ACAD11: variants seen among roughly 807,000 people sequenced by gnomAD.
ACAD11 encodes the protein acyl-CoA dehydrogenase family member 11, also known as acyl-Coenzyme A dehydrogenase family, member 11.
ACAD11 carries 83 observed loss-of-function variants against 102.2 expected under a neutral mutation model. The observed-to-expected ratio is 0.81, with a 90% confidence interval of 0.68 to 0.97. The LOEUF is 0.97. Among genes scored for constraint, ACAD11 ranks in the 50% least tolerant of loss-of-function variants. The pLI, the probability that ACAD11 is intolerant of heterozygous loss-of-function variation, is 0.00. For synonymous variants in ACAD11, 324 were observed against 319.8 expected (o/e 1.01, Z -0.14); for missense variants, 901 against 951.7 (o/e 0.95, Z 0.70).
At chr3:132,656,011 A>T (rs1937773084) in intron 1 of ACAD11, among the ~76,000 whole-genome samples, 1 of 152,210 alleles carries the variant, frequency 6.6e-6, no homozygotes. Context: ...CCCGGAGAAA[A>T]TTACTGTCTT....
rs749588144 is a variant in ACAD11, at chr3:132,642,120, C to T, written c.389G>A (p.Arg130His). The T allele has an allele frequency of 8.7e-6, 14 of 1,613,364 alleles. No individual in the cohort carries two copies. Among genetic ancestry groups the T allele is most frequent in the East Asian group, 6.7e-5 (3 of 44,860 alleles). ...GCTAAGTCCAGGAATTGTTAAATCA[C>T]GGAAGATTCGACCCTATGGAAGTGA... ...VMEHVQGRIF[R>H]DLTIPGLSPA... Residue 130 changes from arginine to histidine, a missense_variant, in exon 4 of 20, where the codon CGT becomes CAT. By Grantham distance (29) the Arg-to-His change is conservative. Coordinates refer to ENST00000264990, the MANE Select transcript of ACAD11 (RefSeq NM_032169.5).
At chr3:132,645,740 C>T (rs1376811531) in intron 1 of ACAD11, 1 of 152,204 alleles carries the variant, frequency 6.6e-6, no homozygotes, top group Non-Finnish European at 1.5e-5. Flanking sequence ...AAGCATGAGC[C>T]TAGATTGAGT....
At chr3:132,586,792 C>T (rs1163932222) in intron 13 of ACAD11, among the ~76,000 whole-genome samples, 1 of 152,122 alleles carries the variant, frequency 6.6e-6, no homozygotes, top group Non-Finnish European at 1.5e-5. Flanking sequence ...TTTTATCATG[C>T]ATCAAAAAGT....
chr3:132,579,311 TATA>T (rs1203238927), intron 14 of ACAD11, 178 bp downstream of exon 14: 3 of 633,002 alleles, frequency 4.7e-6, no homozygotes, highest in East Asian at 2.9e-5. Flanking sequence ...CAATACTCCC[TATA>T]ATGTTTTCCA....
At chr3:132,639,827 T>G (rs181051618) in intron 4 of ACAD11, among the ~76,000 whole-genome samples, 171 bp from the exon 5 acceptor site, 1 of 152,254 alleles carries the variant, frequency 6.6e-6, no homozygotes, top group African/African-American at 2.4e-5. Context: ...ACCTTAAACA[T>G]TTAAGTCTCT....
Position 132,615,221 on chromosome 3 carries a change from TTGG to T in ACAD11, c.1414+3410_1414+3412del, listed in dbSNP as rs577167201. On this transcript the variant is annotated intron_variant, in intron 11 of 19. Coordinates refer to ENST00000264990, the MANE Select transcript of ACAD11 (RefSeq NM_032169.5). ...GAGAAATAGGAAAGCTTTTACACTGTTGGTGGGAGTGTAAATTAGTTCAACCAT... is the reference window on the plus strand; with the variant it reads ...GAGAAATAGGAAAGCTTTTACACTGTTGGGAGTGTAAATTAGTTCAACCAT... 2.8e-3 allele frequency among the ~76,000 whole-genome samples: 426 copies of T among 152,268 alleles called. 2 individuals are homozygous for T. Among genetic ancestry groups the T allele is most frequent in the African/African-American group, 9.9e-3 (411 of 41,548 alleles).
In ACAD11 at chr3:132,579,434, A is replaced by G; in HGVS notation, c.1688+58T>C. On this transcript the variant is annotated intron_variant, in intron 14 of 19. Transcript: ENST00000264990. ...AGTGAATTTTAAGTAAATTACCTAG[A>G]TAGGAGGAAGACTGGCTCATTCCTA... 2.2e-6 allele frequency: 3 copies of G among 1,368,382 alleles called. No individual in the cohort carries two copies. The Admixed American group carries it at 5.4e-5, about 25-fold the overall frequency. The allele number at this position is 1,368,382 out of a possible 1,614,324, so 84.8% of individuals were successfully genotyped here.
chr3:132,583,947 G>A (rs1016847523), intron 13 of ACAD11, among the ~76,000 whole-genome samples: 1 of 151,852 alleles, frequency 6.6e-6, no homozygotes, highest in Non-Finnish European at 1.5e-5. Flanking sequence ...TTTTACATTT[G>A]CTGAATTTGC....
intron 1 of ACAD11, among the ~76,000 whole-genome samples, chr3:132,656,737 C>A (rs189351226): frequency 2.0e-5 from 3 of 152,272 alleles, no homozygotes; most frequent in Admixed American, 2.0e-4. Context: ...GGTGATCCAC[C>A]TGCTTCAGCC....
chr3:132,623,162 A>T (rs1339982263), intron 9 of ACAD11, among the ~76,000 whole-genome samples: 2 of 152,224 alleles, frequency 1.3e-5, no homozygotes, highest in Admixed American at 1.3e-4. Flanking sequence ...TCATTAGAAT[A>T]GTTTAAATGA....
intron 5 of ACAD11, among the ~76,000 whole-genome samples, chr3:132,632,032 G>T (rs1484398128): frequency 6.6e-6 from 1 of 151,492 alleles, no homozygotes; most frequent in Non-Finnish European, 1.5e-5. Flanking sequence ...AAAACAGAAA[G>T]CTTCCCTCAT....
chr3:132,625,870 G>T (rs1939787073), intron 9 of ACAD11, among the ~76,000 whole-genome samples: 1 of 152,114 alleles, frequency 6.6e-6, no homozygotes, highest in Non-Finnish European at 1.5e-5. Context: ...TACTCACATT[G>T]TAGAGGAAAA....
chr3:132,585,683 T>C (rs1937784514), intron 13 of ACAD11, among the ~76,000 whole-genome samples: 3 of 152,174 alleles, frequency 2.0e-5, no homozygotes, highest in African/African-American at 7.2e-5. Context: ...GGGCAAAGGA[T>C]ATGAATAGAC....
At chr3:132,604,171 C>G (rs935178242) in intron 12 of ACAD11, among the ~76,000 whole-genome samples, 3 of 152,030 alleles carry the variant, frequency 2.0e-5, no homozygotes, top group Admixed American at 6.5e-5. Flanking sequence ...AGTTATGAGG[C>G]CAACTGCATT....
intron 5 of ACAD11, among the ~76,000 whole-genome samples, chr3:132,639,005 T>C (rs1303892236): frequency 6.6e-6 from 1 of 152,210 alleles, no homozygotes; most frequent in Non-Finnish European, 1.5e-5. Context: ...GTATGCACAT[T>C]TACATTGAGC....
rs144146072 is a variant in ACAD11, at chr3:132,609,146, T to G, written c.1415-3941A>C. Among the ~76,000 whole-genome samples the G allele has an allele frequency of 4.5e-3, 688 of 152,126 alleles. 4 individuals are homozygous for G. Among genetic ancestry groups the G allele is most frequent in the African/African-American group, 0.016 (665 of 41,498 alleles). On this transcript the variant is annotated intron_variant, in intron 11 of 19. Transcript: ENST00000264990. ...CTCTGGGACACAACTAAAGCAGTAT[T>G]TAGAGGGAAATTTTTAGCACTAAAT...
At chr3:132,575,231 C>T (rs9818117) in intron 17 of ACAD11, among the ~76,000 whole-genome samples, 87,074 of 152,048 alleles carry the variant, frequency 0.57, 28,491 homozygotes, top group East Asian at 0.9. Flanking sequence ...ATATAATTTA[C>T]AGATGATAAT....
chr3:132,577,038 T>G (rs1576553894), intron 15 of ACAD11, 23 bp from the exon 16 acceptor site: 3 of 1,473,620 alleles, frequency 2.0e-6, no homozygotes, highest in Non-Finnish European at 2.8e-6. Context: ...AAATAAAATT[T>G]AGAGCAAAAG....
intron 5 of ACAD11, among the ~76,000 whole-genome samples, chr3:132,636,891 G>A (rs745720518): frequency 3.2e-4 from 48 of 152,158 alleles, no homozygotes; most frequent in Non-Finnish European, 5.3e-4. Context: ...GAGTTAGGTA[G>A]AAGACAAGAC....
Sources: gnomAD v4.1 joint callset for allele counts (sites outside exome capture counted in the v4.1 genomes callset) on GRCh38, gnomAD v4.1.1 for gene constraint, MANE v1.5 for transcripts, NCBI Gene and HGNC (gene_info 2026-07-23, HGNC 2026-07-21) for gene names.